EHMT1: variants seen among roughly 807,000 people sequenced by gnomAD.
EHMT1 encodes the protein euchromatic histone lysine methyltransferase 1.
Under a neutral mutation model 147.2 loss-of-function variants are expected in EHMT1, and 15 were observed. That is an observed-to-expected ratio of 0.10 (90% confidence interval 0.07 to 0.16). The LOEUF (loss-of-function observed/expected upper bound fraction) is 0.16. Among genes scored for constraint, EHMT1 ranks in the 10% least tolerant of loss-of-function variants. The pLI, the probability that EHMT1 is intolerant of heterozygous loss-of-function variation, is 1.00. For missense variants in EHMT1, 1,587 were observed against 1,772.4 expected (o/e 0.90, Z 1.88); for synonymous variants, 795 against 709.6 (o/e 1.12, Z -1.91).
chr9:137,795,413 A>T (rs1317926275), intron 16 of EHMT1, among the ~76,000 whole-genome samples: 2 of 16,810 alleles, frequency 1.2e-4, no homozygotes, highest in African/African-American at 3.5e-4. Flanking sequence ...ACACACACAC[A>T]CACACACACA....
chr9:137,744,087 G>A lies in EHMT1; in HGVS notation c.1167G>A (p.Gln389=). Reference sequence around the variant, plus strand: ...GCATGTCGGAGGCTGATCGCGCCCAGAAGGTATGTGTTGCTGTCTTGGGTG... The same window carrying A: ...GCATGTCGGAGGCTGATCGCGCCCAAAAGGTATGTGTTGCTGTCTTGGGTG... ...KESMSEADRA[Q]KMDGESEEEQ... Residue 389 remains glutamine (Q), a synonymous_variant, in exon 6 of 27, where the codon CAG becomes CAA. Transcript: ENST00000460843. 6.2e-7 allele frequency: 1 copy of A among 1,614,080 alleles called. No individual in the cohort carries two copies.
intron 2 of EHMT1, among the ~76,000 whole-genome samples, chr9:137,711,857 G>C (rs962411082): frequency 3.9e-5 from 6 of 152,184 alleles, no homozygotes; most frequent in Non-Finnish European, 8.8e-5. Context: ...CACTGGACTT[G>C]CCTAAGGCTC....
Position 137,711,001 on chromosome 9 carries a change from G to T in EHMT1, c.56G>T (p.Cys19Phe). The T allele has an allele frequency of 6.3e-7, 1 of 1,599,438 alleles. No homozygotes were observed. Among genetic ancestry groups the T allele is most frequent in the Admixed American group, 1.7e-5 (1 of 58,066 alleles). The change falls in exon 2 of 27, where the codon TGC becomes TTC. Residue 19 changes from cysteine (C) to phenylalanine (F), a missense_variant. Physicochemically the swap from Cys to Phe is radical, Grantham distance 205 (BLOSUM62 -2). Transcript: ENST00000460843. ...GCGAGGGGGGAGCCTCAGCAGGATT[G>T]CTGTGTGAAAACCGAGCTGCTGGGA... ...VPARGEPQQDCCVKTELLGEE... is the reference protein window; with the variant it reads ...VPARGEPQQDFCVKTELLGEE...
intron 1 of EHMT1, among the ~76,000 whole-genome samples, chr9:137,652,071 T>C (rs899552694): frequency 1.3e-5 from 2 of 152,172 alleles, no homozygotes; most frequent in African/African-American, 2.4e-5. Flanking sequence ...AAAAGTTAAC[T>C]GTAAAACAGT....
intron 19 of EHMT1, 131 bp downstream of exon 19, chr9:137,811,746 G>C: frequency 1.6e-6 from 2 of 1,239,266 alleles, no homozygotes; most frequent in Non-Finnish European, 2.3e-6. Context: ...TCGTGTGGAA[G>C]TCCATCCTTG....
At chr9:137,807,525 T>A (rs899682112) in intron 18 of EHMT1, among the ~76,000 whole-genome samples, 1 of 151,976 alleles carries the variant, frequency 6.6e-6, no homozygotes, top group Non-Finnish European at 1.5e-5. Flanking sequence ...TTGTTTATTT[T>A]AAGGCAGAGT....
intron 9 of EHMT1, 68 bp from the exon 10 acceptor site, chr9:137,762,607 C>T (rs1949914532): frequency 8.1e-6 from 13 of 1,610,212 alleles, no homozygotes; most frequent in South Asian, 1.1e-5. Context: ...AGACTATAAT[C>T]GATCACTTTC....
intron 1 of EHMT1, among the ~76,000 whole-genome samples, chr9:137,678,782 G>T (rs1941651176): frequency 7.0e-6 from 1 of 143,316 alleles, no homozygotes; most frequent in Admixed American, 7.4e-5. Context: ...TCTATCTGAC[G>T]AGGGAGACGG....
intron 6 of EHMT1, among the ~76,000 whole-genome samples, chr9:137,749,183 C>T (rs550186298): frequency 8.5e-5 from 13 of 152,304 alleles, no homozygotes; most frequent in Middle Eastern, 3.4e-3. Flanking sequence ...GTGGGAAGCT[C>T]CTGGCCTGCT....
chr9:137,726,429 C>T lies in EHMT1; in HGVS notation c.643-1920C>T, dbSNP rs180842411. Among the ~76,000 whole-genome samples, 514 of 152,314 alleles carry T rather than the reference C, an allele frequency of 3.4e-3. 4 individuals carry two copies. The highest frequency in any genetic ancestry group is 0.01 in the African/African-American group (434 of 41,552). ...GCACAGTGTCCCCGAGGCTCATCCA[C>T]GCTGCAGCGCGGGCCCCAGCTTCGC... On this transcript the variant is annotated intron_variant, in intron 3 of 26. Coordinates refer to ENST00000460843, the MANE Select transcript of EHMT1 (RefSeq NM_024757.5).
chr9:137,654,436 T>G (rs946182433), intron 1 of EHMT1, among the ~76,000 whole-genome samples: 3 of 146,018 alleles, frequency 2.1e-5, no homozygotes, highest in Non-Finnish European at 4.5e-5. Context: ...TATGTGAGTC[T>G]GTTTCTGAAC....
intron 14 of EHMT1, among the ~76,000 whole-genome samples, chr9:137,781,008 G>A (rs62589690): frequency 6.0e-4 from 57 of 94,972 alleles, no homozygotes; most frequent in South Asian, 1.8e-3. Context: ...GATGACGCCG[G>A]GATGTGTGGT....
Position 137,717,114 on chromosome 9 carries a change from C to T in EHMT1, c.574C>T (p.Pro192Ser). 6.2e-7 allele frequency: 1 copy of T among 1,612,598 alleles called. No homozygotes were observed. Among genetic ancestry groups the T allele is most frequent in the Admixed American group, 1.7e-5 (1 of 60,014 alleles). The change falls in exon 3 of 27, where the codon CCG becomes TCG. Residue 192 changes from proline to serine, a missense_variant. This residue lies in a region of EHMT1 where 810 missense variants were observed against 673.0 expected (regional missense o/e 1.20). Transcript: ENST00000460843. ...GSADTEDRKL[P>S]APGADVKVHR... ...TGCTGACACAGAGGACAGGAAGCTC[C>T]CGGCCCCTGGCGCCGACGTCAAGGT... is the stretch of plus-strand genomic sequence containing the variant.
At chr9:137,646,681 A>G (rs1193061138) in intron 1 of EHMT1, among the ~76,000 whole-genome samples, 1 of 152,204 alleles carries the variant, frequency 6.6e-6, no homozygotes, top group Non-Finnish European at 1.5e-5. Flanking sequence ...GTGTGTTGTC[A>G]TGAGCTCTGG....
intron 3 of EHMT1, among the ~76,000 whole-genome samples, chr9:137,724,668 G>C (rs1946412659): frequency 6.6e-6 from 1 of 152,232 alleles, no homozygotes; most frequent in Non-Finnish European, 1.5e-5. Context: ...ACCAGCTGAA[G>C]GGGAGAGCCA....
intron 1 of EHMT1, among the ~76,000 whole-genome samples, chr9:137,627,453 C>G (rs1314601334): frequency 6.6e-6 from 1 of 151,700 alleles, no homozygotes; most frequent in Admixed American, 6.6e-5. Context: ...TTAGTAGAAA[C>G]GGGGTTTCAC....
At chr9:137,715,462 G>A in intron 2 of EHMT1, 1 of 888,038 alleles carries the variant, frequency 1.1e-6, no homozygotes, top group Non-Finnish European at 1.3e-6. Flanking sequence ...CGGGTGGAAG[G>A]ACAGACGGCC....
At position 137,782,736 on chromosome 9, in the gene EHMT1, T is replaced by C. The variant is rs557322190; in HGVS notation, c.2382+339T>C. 2.0e-5 allele frequency among the ~76,000 whole-genome samples: 3 copies of C among 152,270 alleles called. No homozygotes were observed. Among genetic ancestry groups the C allele is most frequent in the Admixed American group, 1.3e-4 (2 of 15,292 alleles). On this transcript the variant is annotated intron_variant, in intron 15 of 26. Coordinates refer to ENST00000460843, the MANE Select transcript of EHMT1 (RefSeq NM_024757.5). This position sits in a 1 kb window ranked among gnomAD's most constrained non-coding sequence, Gnocchi z 5.7. ...CACGGACGCCCCTCCCCCAGCCCCGTTGACTGGCTCCCATTTTGTTTAGAT... is the reference window on the plus strand; with the variant it reads ...CACGGACGCCCCTCCCCCAGCCCCGCTGACTGGCTCCCATTTTGTTTAGAT...
At chr9:137,638,167 G>T (rs1844216254) in intron 1 of EHMT1, 1 of 151,718 alleles carries the variant, frequency 6.6e-6, no homozygotes, top group African/African-American at 2.4e-5. Context: ...CTGGAGTGCA[G>T]TGGTGCGATC....
Sources: allele counts gnomAD v4.1 joint callset (sites outside exome capture counted in the v4.1 genomes callset), GRCh38; gene constraint gnomAD v4.1.1; regional missense constraint gnomAD v4.1.1; non-coding constraint Gnocchi (gnomAD v3.1); transcripts MANE v1.5; gene names NCBI Gene and HGNC (gene_info 2026-07-23, HGNC 2026-07-21).